NELL2: variants seen among roughly 807,000 people sequenced by gnomAD.
NELL2 encodes neural EGFL like 2.
In NELL2, 41 loss-of-function variants were observed where a neutral mutation model predicts 109.6. That is an observed-to-expected ratio of 0.37 (90% CI 0.29 to 0.49). The LOEUF (loss-of-function observed/expected upper bound fraction) is 0.49, where lower values mean the gene tolerates loss of function less well. Ranked by LOEUF, NELL2 falls within the 20% of genes least tolerant of loss-of-function variation. The probability of loss-of-function intolerance (pLI) is 0.98; values close to 1 mark genes in which losing one functional copy is unlikely to be tolerated. For synonymous variants in NELL2, 355 were observed against 344.7 expected (o/e 1.03, Z -0.33); for missense variants, 900 against 1,008.3 (o/e 0.89, Z 1.45).
chr12:44,607,197 T>C lies in NELL2; in HGVS notation c.1635A>G (p.Gln545=), dbSNP rs1945441360. Residue 545 remains glutamine (Q), a synonymous_variant, in exon 15 of 20, where the codon CAA becomes CAG. Coordinates refer to ENST00000429094, the MANE Select transcript of NELL2 (RefSeq NM_001145108.2). ...TTTCACAGCTGGGTCCAGTGAAGCC[T>C]TGTGGGCAGGCACACACATTAGCGG... ...CIAANVCACP[Q]GFTGPSCETD... is the part of the protein sequence containing the mutation. 1.2e-6 allele frequency: 2 copies of C among 1,612,706 alleles called. No homozygotes were observed. Among genetic ancestry groups the C allele is most frequent in the Non-Finnish European group, 8.5e-7 (1 of 1,179,178 alleles).
intron 15 of NELL2, among the ~76,000 whole-genome samples, chr12:44,600,125 CTAATTTATTTAT>C (rs1334491768): frequency 2.2e-5 from 3 of 133,540 alleles, no homozygotes; most frequent in Non-Finnish European, 4.8e-5. Context: ...GCACGCCCGG[CTAATTTATTTAT>C]TTATTTATTT....
chr12:44,586,916 C>T (rs995911066), intron 15 of NELL2, among the ~76,000 whole-genome samples: 4 of 152,160 alleles, frequency 2.6e-5, no homozygotes, highest in African/African-American at 7.2e-5. Context: ...AACGACCTCA[C>T]ATGCAATACA....
chr12:44,789,093 T>C (rs1290085678), intron 3 of NELL2, among the ~76,000 whole-genome samples: 1 of 152,066 alleles, frequency 6.6e-6, no homozygotes, highest in Non-Finnish European at 1.5e-5. Context: ...AAAGGACATA[T>C]ACTCTTGGGA....
chr12:44,596,306 C>T (rs911625384), intron 15 of NELL2, among the ~76,000 whole-genome samples: 2 of 152,176 alleles, frequency 1.3e-5, no homozygotes, highest in South Asian at 4.1e-4. Context: ...TCCTATGGTG[C>T]AGTGGGAGGC....
chr12:44,876,501 G>T (rs1042248623), upstream of NELL2: 18 of 1,375,578 alleles, frequency 1.3e-5, no homozygotes, highest in Admixed American at 4.8e-4. Context: ...TGCAGCCTCA[G>T]CTCTTCTCCC....
At chr12:44,829,600 C>G (rs1461859208) in intron 2 of NELL2, among the ~76,000 whole-genome samples, 1 of 152,072 alleles carries the variant, frequency 6.6e-6, no homozygotes, top group Non-Finnish European at 1.5e-5. Flanking sequence ...AAAGAAAAAA[C>G]CTTGAGCTTT....
chr12:44,914,140 G>A (rs573636011), upstream of NELL2: 1 of 162,998 alleles, frequency 6.1e-6, no homozygotes, highest in African/African-American at 2.4e-5. Flanking sequence ...CCAAAGAAGT[G>A]ATCCTTTTAA....
intron 15 of NELL2, among the ~76,000 whole-genome samples, chr12:44,558,882 C>T (rs1032402432): frequency 1.4e-4 from 21 of 152,208 alleles, no homozygotes; most frequent in African/African-American, 4.1e-4. Flanking sequence ...TCTAGCTCAG[C>T]GGATCCCACT....
chr12:44,558,468 T>A (rs572248407), intron 15 of NELL2, among the ~76,000 whole-genome samples: 1 of 152,176 alleles, frequency 6.6e-6, no homozygotes, highest in East Asian at 1.9e-4. Context: ...CTGGCTCATG[T>A]TATTGGGACT....
At chr12:44,745,863 C>A (rs909206288) in intron 9 of NELL2, among the ~76,000 whole-genome samples, 2 of 151,904 alleles carry the variant, frequency 1.3e-5, no homozygotes, top group Non-Finnish European at 2.9e-5. Context: ...ATGAAAATGG[C>A]CACACTGCCA....
At chr12:44,790,719 C>A (rs548609391) in intron 3 of NELL2, among the ~76,000 whole-genome samples, 2 of 151,754 alleles carry the variant, frequency 1.3e-5, no homozygotes, top group South Asian at 2.1e-4. Context: ...GATACAGAAC[C>A]GTAGAATGGA....
Position 44,777,080 on chromosome 12 carries a change from T to C in NELL2, c.724A>G (p.Met242Val), listed in dbSNP as rs1050302810. Reference sequence around the variant, plus strand: ...TTGGCTAAAATATCCTGTAGCTCCATGATTTTCTGCACAAGTCCATGGAAG... The same window carrying C: ...TTGGCTAAAATATCCTGTAGCTCCACGATTTTCTGCACAAGTCCATGGAAG... The part of the protein sequence containing the change: ...NDFHGLVQKI[M>V]ELQDILAKTS... Residue 242 changes from methionine (M) to valine (V), a missense_variant, in exon 7 of 20, where the codon ATG becomes GTG. Transcript: ENST00000429094. 1.9e-6 allele frequency: 3 copies of C among 1,614,100 alleles called. No homozygotes were observed. The highest frequency in any genetic ancestry group is 1.7e-6 in the Non-Finnish European group (2 of 1,179,954).
At chr12:44,543,435 C>A (rs969144044) in intron 15 of NELL2, among the ~76,000 whole-genome samples, 5 of 152,164 alleles carry the variant, frequency 3.3e-5, no homozygotes, top group African/African-American at 1.2e-4. Context: ...CATTCTGAAT[C>A]ATAGCAGTCA....
chr12:44,914,496 C>T (rs1053255214), upstream of NELL2, among the ~76,000 whole-genome samples: 3 of 152,194 alleles, frequency 2.0e-5, no homozygotes, highest in African/African-American at 7.2e-5. Context: ...CAAACCACCC[C>T]ACTCACATTT....
chr12:44,850,876 A>G (rs1166536196), intron 2 of NELL2, among the ~76,000 whole-genome samples: 2 of 152,204 alleles, frequency 1.3e-5, no homozygotes, highest in African/African-American at 4.8e-5. Context: ...GAGAACAGCC[A>G]AAGATATCAG....
chr12:44,838,618 T>G (rs570901347), intron 2 of NELL2, among the ~76,000 whole-genome samples: 26 of 151,916 alleles, frequency 1.7e-4, no homozygotes, highest in African/African-American at 6.3e-4. Flanking sequence ...TAATAAATGC[T>G]GGATTAACAT....
At chr12:44,554,164 C>T (rs144304936) in intron 15 of NELL2, among the ~76,000 whole-genome samples, 96 of 152,250 alleles carry the variant, frequency 6.3e-4, no homozygotes, top group African/African-American at 2.1e-3. Flanking sequence ...TGATTACAGA[C>T]GTTTTAGAAA....
At chr12:44,874,978 G>T in intron 2 of NELL2, 1 of 392,612 alleles carries the variant, frequency 2.5e-6, no homozygotes, top group Non-Finnish European at 4.5e-6. Context: ...AGGAGTTTCT[G>T]CTCAGTAATT....
Position 44,522,183 on chromosome 12 carries a change from G to T in NELL2, c.1999-7C>A. On this transcript the variant is annotated splice_polypyrimidine_tract_variant and splice_region_variant and intron_variant, in intron 17 of 19. Transcript: ENST00000429094. ...GACACATAACGAATCCATTCTGTAT[G>T]AAAAAGAAAAAAAGCAGTTACCAAA... 1 of 1,606,300 alleles carries T rather than the reference G, an allele frequency of 6.2e-7. No individual in the cohort carries two copies. The highest frequency in any genetic ancestry group is 8.5e-7 in the Non-Finnish European group (1 of 1,177,228).
Sources: allele counts gnomAD v4.1 joint callset (sites outside exome capture counted in the v4.1 genomes callset), GRCh38; gene constraint gnomAD v4.1.1; transcripts MANE v1.5; gene names NCBI Gene and HGNC (gene_info 2026-07-23, HGNC 2026-07-21).